The following ZBTB20 variants were observed in gnomAD, a reference collection of about 807,000 sequenced individuals.
ZBTB20 encodes zinc finger and BTB domain containing 20, also known as zinc finger and BTB domain-containing protein 20.
In ZBTB20, 9 loss-of-function variants were observed where a neutral mutation model predicts 56.9. That is an observed-to-expected ratio of 0.16 (90% CI 0.10 to 0.28). ZBTB20 has a LOEUF of 0.28. ZBTB20 is among the 10% of genes least tolerant of loss of function. The pLI is 1.00. For synonymous variants in ZBTB20, 417 were observed against 420.7 expected (o/e 0.99, Z 0.11); for missense variants, 655 against 1,003.0 (o/e 0.65, Z 4.69).
intron 5 of ZBTB20, chr3:114,743,340 T>C (rs2066765780): frequency 6.6e-6 from 1 of 152,102 alleles, no homozygotes; most frequent in African/African-American, 2.4e-5. Flanking sequence ...CAATGCTTTT[T>C]CACTTAGGAT....
intron 7 of ZBTB20, among the ~76,000 whole-genome samples, chr3:114,495,518 A>T (rs7616076): frequency 0.02 from 3,098 of 152,258 alleles, 91 homozygotes; most frequent in African/African-American, 0.066. Flanking sequence ...TAGAACTTAA[A>T]TCTGTCTTGT....
chr3:114,694,002 T>A (rs1241931513), intron 5 of ZBTB20, among the ~76,000 whole-genome samples: 1 of 152,108 alleles, frequency 6.6e-6, no homozygotes, highest in African/African-American at 2.4e-5. Context: ...AACAAGCTGG[T>A]TTCTCTTTGT....
intron 3 of ZBTB20, among the ~76,000 whole-genome samples, chr3:114,954,730 G>A (rs953285816): frequency 6.6e-6 from 1 of 152,192 alleles, no homozygotes; most frequent in Non-Finnish European, 1.5e-5. Context: ...TCTAAGCTAA[G>A]ATAAGGTTTG....
chr3:115,133,896 G>C (rs2084581047), intron 1 of ZBTB20, among the ~76,000 whole-genome samples: 1 of 152,126 alleles, frequency 6.6e-6, no homozygotes, highest in Non-Finnish European at 1.5e-5. Context: ...ATATACCTCA[G>C]AGTGGAATTG....
chr3:114,376,970 A>G (rs961566768), intron 10 of ZBTB20, among the ~76,000 whole-genome samples: 1 of 152,252 alleles, frequency 6.6e-6, no homozygotes, highest in African/African-American at 2.4e-5. Flanking sequence ...GGTCGCGTCT[A>G]TCACATGTAT....
At chr3:114,664,528 A>T (rs2060935274) in intron 6 of ZBTB20, among the ~76,000 whole-genome samples, 1 of 152,024 alleles carries the variant, frequency 6.6e-6, no homozygotes, top group African/African-American at 2.4e-5. Flanking sequence ...TTTTGTGTAC[A>T]ATTCTTCTTG....
intron 2 of ZBTB20, among the ~76,000 whole-genome samples, chr3:115,050,641 A>G (rs1249710808): frequency 3.3e-5 from 5 of 152,090 alleles, no homozygotes; most frequent in Non-Finnish European, 1.5e-5. Context: ...TTCACTTTCT[A>G]TAATCCCTAC....
intron 2 of ZBTB20, among the ~76,000 whole-genome samples, chr3:115,000,018 A>G (rs963192005): frequency 1.4e-4 from 21 of 151,736 alleles, no homozygotes; most frequent in Middle Eastern, 3.4e-3. Context: ...TTAATGACCT[A>G]GACTATTTAG....
rs564556126 is a variant in ZBTB20 at position 114,746,999 on chromosome 3, C to T, written c.-342-53424G>A. On this transcript the variant is annotated intron_variant, in intron 5 of 11. Transcript: ENST00000675478. ...AGGAAGGAGTGGGGAGGGAATGGGACATATACATGTAAAATTTTTCTCTAT... is the reference window on the plus strand; with the variant it reads ...AGGAAGGAGTGGGGAGGGAATGGGATATATACATGTAAAATTTTTCTCTAT... 6.6e-5 allele frequency among the ~76,000 whole-genome samples: 10 copies of T among 152,266 alleles called. No homozygotes were observed. The East Asian group carries it at 1.9e-3, about 29-fold the overall frequency.
At chr3:115,120,473 AT>A (rs1336554296) in intron 1 of ZBTB20, among the ~76,000 whole-genome samples, 1 of 152,096 alleles carries the variant, frequency 6.6e-6, no homozygotes, top group Non-Finnish European at 1.5e-5. Flanking sequence ...ACAGAAAAAA[AT>A]TTTTTGAGTC....
At chr3:114,361,670 G>A (rs2081902272) in intron 10 of ZBTB20, among the ~76,000 whole-genome samples, 1 of 152,210 alleles carries the variant, frequency 6.6e-6, no homozygotes, top group African/African-American at 2.4e-5. Context: ...GGTAAGGAGA[G>A]TGAGGCTGAT....
intron 2 of ZBTB20, among the ~76,000 whole-genome samples, chr3:115,016,545 C>T (rs2079967561): frequency 6.6e-6 from 1 of 151,844 alleles, no homozygotes; most frequent in African/African-American, 2.4e-5. Flanking sequence ...AGCCAGTTCT[C>T]CCAGTACCAT....
chr3:114,662,038 A>G (rs1458846990), intron 6 of ZBTB20, among the ~76,000 whole-genome samples: 2 of 144,090 alleles, frequency 1.4e-5, no homozygotes, highest in East Asian at 2.2e-4. Flanking sequence ...ATATCTCCCA[A>G]TGCTATCCCT....
At chr3:115,007,707 T>C (rs750787058) in intron 2 of ZBTB20, among the ~76,000 whole-genome samples, 3 of 151,898 alleles carry the variant, frequency 2.0e-5, no homozygotes, top group Non-Finnish European at 4.4e-5. Flanking sequence ...AGAGAGTTTT[T>C]ACTTCTTTAC....
intron 7 of ZBTB20, among the ~76,000 whole-genome samples, chr3:114,396,025 C>T (rs759371456): frequency 1.3e-5 from 2 of 152,092 alleles, no homozygotes; most frequent in Non-Finnish European, 1.5e-5. Flanking sequence ...CACACCCACA[C>T]ACACAATCAT....
intron 4 of ZBTB20, among the ~76,000 whole-genome samples, chr3:114,839,406 TGAAAGAAA>T (rs748321783): frequency 0.03 from 2,217 of 72,706 alleles, 29 homozygotes; most frequent in African/African-American, 0.035. Flanking sequence ...AGAGCCTGTC[TGAAAGAAA>T]GAAAGAAAGA....
chr3:114,428,165 A>G (rs1440944213), intron 7 of ZBTB20, among the ~76,000 whole-genome samples: 1 of 152,222 alleles, frequency 6.6e-6, no homozygotes, highest in African/African-American at 2.4e-5. Context: ...CATACCCCCC[A>G]ACAAAGTACT....
At position 114,643,260 on chromosome 3, in the gene ZBTB20, C is replaced by T. The variant is rs1178015633; in HGVS notation, c.-295+50268G>A. 2.3e-4 allele frequency among the ~76,000 whole-genome samples: 35 copies of T among 152,042 alleles called. 1 individual carries two copies. The highest frequency in any genetic ancestry group is 2.3e-3 in the Admixed American group (35 of 15,258). ...CTTCATGAGTGTTCCCCTTTTGAGG[C>T]TGCAAAATTTTCCTTAGTTGCTCCA... is the stretch of plus-strand genomic sequence containing the variant. On this transcript the variant is annotated intron_variant, in intron 6 of 11. Transcript: ENST00000675478.
At chr3:114,755,339 C>A (rs551384642) in intron 5 of ZBTB20, among the ~76,000 whole-genome samples, 1 of 152,052 alleles carries the variant, frequency 6.6e-6, no homozygotes, top group East Asian at 1.9e-4. Flanking sequence ...GACATAAGGG[C>A]GAGAAATATT....
Sources: allele counts gnomAD v4.1 joint callset (sites outside exome capture counted in the v4.1 genomes callset), GRCh38; gene constraint gnomAD v4.1.1; transcripts MANE v1.5; gene names NCBI Gene and HGNC (gene_info 2026-07-23, HGNC 2026-07-21).